The following UXS1 variants were observed in gnomAD, a reference collection of about 807,000 sequenced individuals.
UXS1 encodes the protein UDP-glucuronate decarboxylase 1.
UXS1 carries 33 observed loss-of-function variants against 62.6 expected under a neutral mutation model. The observed-to-expected ratio is 0.53, with a 90% confidence interval of 0.40 to 0.70. The LOEUF is 0.70. Among genes scored for constraint, UXS1 ranks in the 30% least tolerant of loss-of-function variants. UXS1 has a pLI of 0.00. For synonymous variants in UXS1, 213 were observed against 206.8 expected (o/e 1.03, Z -0.26); for missense variants, 434 against 556.3 (o/e 0.78, Z 2.21).
intron 1 of UXS1, among the ~76,000 whole-genome samples, chr2:106,181,225 C>T (rs1237881258): frequency 1.3e-5 from 2 of 152,170 alleles, no homozygotes; most frequent in Non-Finnish European, 2.9e-5. Context: ...CATCCCTCAG[C>T]AGCCCTGTAC....
chr2:106,103,482 A>G (rs1677782058), intron 11 of UXS1, among the ~76,000 whole-genome samples: 1 of 152,234 alleles, frequency 6.6e-6, no homozygotes, highest in African/African-American at 2.4e-5. Context: ...CACTATGGAA[A>G]GACGGTACTC....
Position 106,093,428 on chromosome 2 carries a change from AT to A in UXS1, c.*597del, listed in dbSNP as rs1280131480. On this transcript the variant is annotated 3_prime_UTR_variant, in exon 15 of 15. Coordinates refer to ENST00000283148, the MANE Select transcript of UXS1 (RefSeq NM_001253875.2). ...AGATACGCAGCAAAACACAGTAGTG[AT>A]TTCAAATATCCTTGATCATGACCAA... The A allele has an allele frequency of 6.9e-6, 1 of 145,460 alleles. No homozygotes were observed. 9.0% of individuals were successfully genotyped at this position (145,460 alleles called of 1,614,324 possible). A position where few individuals can be genotyped will look rare whatever the true frequency, so the allele number is the denominator to read the frequency against.
chr2:106,108,596 T>G (rs1405036088), intron 10 of UXS1, among the ~76,000 whole-genome samples: 1 of 152,164 alleles, frequency 6.6e-6, no homozygotes, highest in Non-Finnish European at 1.5e-5. Flanking sequence ...CCCTCTGGCT[T>G]CATTTCACAG....
chr2:106,138,496 G>A (rs1050360960), intron 6 of UXS1: 2 of 985,288 alleles, frequency 2.0e-6, no homozygotes, highest in African/African-American at 3.5e-5. Flanking sequence ...TCACCCTTCA[G>A]GATTTCCAGG....
At chr2:106,138,212 T>G (rs1029667677) in intron 6 of UXS1, 17 of 985,388 alleles carry the variant, frequency 1.7e-5, no homozygotes, top group Admixed American at 6.1e-5. Flanking sequence ...GTCCTGGCTT[T>G]CTTCTTCAAA....
Position 106,137,645 on chromosome 2 carries a change from A to T in UXS1, c.472+7545T>A, listed in dbSNP as rs116381065. 6.6e-3 allele frequency among the ~76,000 whole-genome samples: 1,004 copies of T among 151,880 alleles called. 12 individuals carry two copies. The highest frequency in any genetic ancestry group is 0.023 in the African/African-American group (945 of 41,414). ...TCTACTAAAAATATAAAAAAAAAAA[A>T]ATAGCTAGGTGTGGTGGCAGGCACC... On this transcript the variant is annotated intron_variant, in intron 6 of 14. Coordinates refer to ENST00000283148, the MANE Select transcript of UXS1 (RefSeq NM_001253875.2).
chr2:106,124,422 C>T (rs564483397), intron 8 of UXS1, among the ~76,000 whole-genome samples: 27 of 152,308 alleles, frequency 1.8e-4, no homozygotes, highest in African/African-American at 5.5e-4. Flanking sequence ...ATTGTTAATA[C>T]AAAAGTAAAG....
chr2:106,126,458 C>T lies in UXS1; in HGVS notation c.578-779G>A, dbSNP rs375033088. 7.2e-5 allele frequency among the ~76,000 whole-genome samples: 11 copies of T among 152,252 alleles called. 1 individual carries two copies. In the East Asian group the frequency reaches 1.9e-3, roughly 27 times the overall value. The stretch of plus-strand genomic sequence containing the variant: ...TGCTGGACACCCCTCAGCTCTGCCC[C>T]CCCACCAACAGCAGGGGCCAACACA... On this transcript the variant is annotated intron_variant, in intron 7 of 14. Transcript: ENST00000283148.
rs1678717984 is a variant in UXS1 at position 106,112,695 on chromosome 2, C to T, written c.830G>A (p.Arg277Gln). 8.7e-6 allele frequency: 14 copies of T among 1,613,986 alleles called. No homozygotes were observed. Among genetic ancestry groups the T allele is most frequent in the Non-Finnish European group, 1.2e-5 (14 of 1,179,894 alleles). ...CTGCAGGATGAAGTTGCTGACTACT[C>T]GCCCATCGTTCATGTGCATGCGTGG... ...FGPRMHMNDGRVVSNFILQAL... is the reference protein window; with the variant it reads ...FGPRMHMNDGQVVSNFILQAL... The change falls in exon 10 of 15, where the codon CGA becomes CAA. Residue 277 changes from arginine (R) to glutamine (Q), a missense_variant. Transcript: ENST00000283148.
intron 1 of UXS1, among the ~76,000 whole-genome samples, chr2:106,187,070 C>CA (rs986079781): frequency 6.6e-6 from 1 of 150,832 alleles, no homozygotes. Flanking sequence ...AAAATATATA[C>CA]AAAAAAAGTA....
intron 1 of UXS1, among the ~76,000 whole-genome samples, chr2:106,190,023 G>A (rs1024882660): frequency 3.9e-5 from 6 of 152,164 alleles, no homozygotes; most frequent in Admixed American, 3.9e-4. Flanking sequence ...AGTTGCAGTA[G>A]AAGGCCCCGG....
At chr2:106,121,492 A>C (rs1354458719) in intron 9 of UXS1, among the ~76,000 whole-genome samples, 1 of 152,222 alleles carries the variant, frequency 6.6e-6, no homozygotes, top group East Asian at 1.9e-4. Context: ...AACACATTCT[A>C]GAATAAAATG....
intron 3 of UXS1, among the ~76,000 whole-genome samples, chr2:106,164,436 A>C (rs951514962): frequency 7.9e-5 from 12 of 152,152 alleles, no homozygotes; most frequent in African/African-American, 2.6e-4. Context: ...GGATGTTTGT[A>C]CTCATCTCTA....
At chr2:106,130,213 T>C (rs1680324621) in intron 6 of UXS1, among the ~76,000 whole-genome samples, 2 of 152,188 alleles carry the variant, frequency 1.3e-5, no homozygotes, top group African/African-American at 4.8e-5. Flanking sequence ...CGTTTGTTTT[T>C]ATGCATCCTG....
chr2:106,137,779 G>T (rs1423723153), intron 6 of UXS1, among the ~76,000 whole-genome samples: 1 of 151,800 alleles, frequency 6.6e-6, no homozygotes, highest in Non-Finnish European at 1.5e-5. Context: ...TGGACAACAA[G>T]AGCAAAACTC....
rs78389934 is a variant in UXS1 at position 106,140,235 on chromosome 2, G to A, written c.472+4955C>T. On this transcript the variant is annotated intron_variant, in intron 6 of 14. Transcript: ENST00000283148. ...AGTGCTGTCGACTGTTCTGAGCGAG[G>A]GGCTCACCTTCCCTGTGAAGCCACC... Among the ~76,000 whole-genome samples the A allele has an allele frequency of 7.0e-3, 1,065 of 152,272 alleles. 10 individuals are homozygous for A. Among genetic ancestry groups the A allele is most frequent in the Admixed American group, 0.012 (181 of 15,298 alleles).
intron 14 of UXS1, 102 bp from the exon 15 acceptor site, chr2:106,094,259 C>CCACCTTGCAGT: frequency 5.8e-5 from 9 of 155,118 alleles, no homozygotes; most frequent in Non-Finnish European, 7.5e-5. Context: ...CACCTTGCAG[C>CCACCTTGCAGT]CAGTCAGGCC....
chr2:106,185,396 T>C (rs1439088646), intron 1 of UXS1, among the ~76,000 whole-genome samples: 1 of 152,218 alleles, frequency 6.6e-6, no homozygotes, highest in African/African-American at 2.4e-5. Flanking sequence ...CACGTGTGTG[T>C]GCTTTTCCCA....
chr2:106,186,700 C>T lies in UXS1; in HGVS notation c.94+7448G>A, dbSNP rs543489323. ...GGCTGTGGTGGCACACACCTGTAGT[C>T]CCAGCTACTCAGGAGCCTGAGGCAG... On this transcript the variant is annotated intron_variant, in intron 1 of 14. Coordinates refer to ENST00000283148, the MANE Select transcript of UXS1 (RefSeq NM_001253875.2). 2.0e-5 allele frequency among the ~76,000 whole-genome samples: 3 copies of T among 152,202 alleles called. No homozygotes were observed. The South Asian group carries it at 6.2e-4, about 32-fold the overall frequency.
Sources: allele counts gnomAD v4.1 joint callset (sites outside exome capture counted in the v4.1 genomes callset), GRCh38; gene constraint gnomAD v4.1.1; transcripts MANE v1.5; gene names NCBI Gene and HGNC (gene_info 2026-07-23, HGNC 2026-07-21).